YPEL2: variants seen among roughly 807,000 people sequenced by gnomAD.
YPEL2 encodes protein yippee-like 2.
Under a neutral mutation model 19.1 loss-of-function variants are expected in YPEL2, and 2 were observed. The ratio of observed to expected loss-of-function variants is 0.10; its 90% CI spans 0.04 to 0.33. The LOEUF (loss-of-function observed/expected upper bound fraction) is 0.33, where lower values mean the gene tolerates loss of function less well. YPEL2 is among the 10% of genes least tolerant of loss of function. YPEL2 has a pLI of 1.00. For synonymous variants in YPEL2, 52 were observed against 50.0 expected, an observed-to-expected ratio of 1.04 and a Z score of -0.17; for missense variants, 66 against 140.7, an observed-to-expected ratio of 0.47 and a Z score of 2.68.
rs749570016 is a variant in YPEL2 at position 59,353,429 on chromosome 17, C to T, written c.20C>T (p.Ser7Leu). 1 of 1,598,060 alleles carries T rather than the reference C, an allele frequency of 6.3e-7. No individual in the cohort carries two copies. The highest frequency in any genetic ancestry group is 1.1e-5 in the South Asian group (1 of 87,530). ...GCACCAATGGTGAAGATGACAAGAT[C>T]GAAGACTTTCCAGGCATATCTGCCC... The part of the protein sequence containing the change: MVKMTR[S>L]KTFQAYLPSC... The change falls in exon 2 of 5, where the codon TCG becomes TTG. Residue 7 changes from serine to leucine, a missense_variant. Ser to Leu is a moderately radical substitution (Grantham distance 145, BLOSUM62 -2). Transcript: ENST00000312655. This position sits in a 1 kb window ranked among gnomAD's most constrained non-coding sequence, Gnocchi z 4.8.
intron 2 of YPEL2, among the ~76,000 whole-genome samples, chr17:59,385,807 T>C (rs1024779420): frequency 1.3e-5 from 2 of 152,178 alleles, no homozygotes; most frequent in Non-Finnish European, 2.9e-5. Context: ...ATGTCACTTA[T>C]AGTTCAAAAA....
chr17:59,347,881 A>C (rs957610355), intron 1 of YPEL2, among the ~76,000 whole-genome samples: 23 of 152,206 alleles, frequency 1.5e-4, no homozygotes, highest in African/African-American at 5.1e-4. Context: ...AAGGACCCCA[A>C]ACTCCATGTC....
At chr17:59,379,818 T>C (rs2047939537) in intron 2 of YPEL2, among the ~76,000 whole-genome samples, 2 of 136,234 alleles carry the variant, frequency 1.5e-5, no homozygotes, top group Admixed American at 1.5e-4. Flanking sequence ...AAGTTTTTTT[T>C]GTTTCTGAGT....
chr17:59,373,641 CAA>C (rs1344296735), intron 2 of YPEL2, among the ~76,000 whole-genome samples: 1 of 152,194 alleles, frequency 6.6e-6, no homozygotes, highest in African/African-American at 2.4e-5. Flanking sequence ...CATGGAGACA[CAA>C]TATTTCTTCA....
At chr17:59,394,339 C>T (rs865884105) in intron 4 of YPEL2, among the ~76,000 whole-genome samples, 3 of 120,316 alleles carry the variant, frequency 2.5e-5, no homozygotes, top group South Asian at 2.9e-4. Context: ...CAGACGGGGT[C>T]GCGGCCGGGC....
chr17:59,369,148 GCAACTCCCTGTTGATGAGTTTTTCT>G (rs1421717133), intron 2 of YPEL2, among the ~76,000 whole-genome samples: 2 of 152,164 alleles, frequency 1.3e-5, no homozygotes, highest in Non-Finnish European at 2.9e-5. Context: ...GCGGGCAATT[GCAACTCCCTGTTGATGAGTTTTTCT>G]CTAAATTTAA....
In YPEL2 at chr17:59,353,108, G is replaced by A; in HGVS notation, c.-195-107G>A. ...CCAGGAACAGAGAAGTGGGTCATTTGATCCTGTCAGTGTTGCCTTCTTCAT... is the reference window on the plus strand; with the variant it reads ...CCAGGAACAGAGAAGTGGGTCATTTAATCCTGTCAGTGTTGCCTTCTTCAT... On this transcript the variant is annotated intron_variant, in intron 1 of 4. Coordinates refer to ENST00000312655, the MANE Select transcript of YPEL2 (RefSeq NM_001005404.4). This position sits in a 1 kb window ranked among gnomAD's most constrained non-coding sequence, Gnocchi z 4.8. 1 of 236,704 alleles carries A rather than the reference G, an allele frequency of 4.2e-6. No homozygotes were observed. The highest frequency in any genetic ancestry group is 8.2e-6 in the Non-Finnish European group (1 of 121,462). 14.7% of individuals were successfully genotyped at this position (236,704 alleles called of 1,614,324 possible).
rs186111786 is a variant in YPEL2, at chr17:59,399,483, C to G, written c.*2293C>G. 1 of 151,874 alleles carries G rather than the reference C, an allele frequency of 6.6e-6. No individual in the cohort carries two copies. The highest frequency in any genetic ancestry group is 1.5e-5 in the Non-Finnish European group (1 of 68,028). The allele number at this position is 151,874 out of a possible 1,614,324, so 9.4% of individuals were successfully genotyped here. On this transcript the variant is annotated 3_prime_UTR_variant, in exon 5 of 5. Coordinates refer to ENST00000312655, the MANE Select transcript of YPEL2 (RefSeq NM_001005404.4). ...TCTTCCTTGGGGATGAGGCCTTTGACTGTTGGATGGATCAGAGCAGGCTCC... is the reference window on the plus strand; with the variant it reads ...TCTTCCTTGGGGATGAGGCCTTTGAGTGTTGGATGGATCAGAGCAGGCTCC...
chr17:59,333,099 C>G (rs747501320), intron 1 of YPEL2, among the ~76,000 whole-genome samples: 1 of 152,246 alleles, frequency 6.6e-6, no homozygotes, highest in African/African-American at 2.4e-5. Flanking sequence ...TTATTGCTCC[C>G]CCGTGCTTTC....
intron 2 of YPEL2, among the ~76,000 whole-genome samples, chr17:59,386,059 A>G (rs1312166034): frequency 6.6e-6 from 1 of 152,194 alleles, no homozygotes; most frequent in Non-Finnish European, 1.5e-5. Flanking sequence ...GCGGTGGCTC[A>G]TGCCTGTAAT....
intron 4 of YPEL2, 47 bp from the exon 5 acceptor site, chr17:59,397,054 T>G: frequency 6.8e-7 from 1 of 1,474,336 alleles, no homozygotes; most frequent in Non-Finnish European, 9.2e-7. Flanking sequence ...AATCATTTTC[T>G]TGTCTTTGGT....
Position 59,388,302 on chromosome 17 carries a change from A to G in YPEL2, c.118-25A>G, listed in dbSNP as rs763341903. The G allele has an allele frequency of 9.3e-6, 15 of 1,613,710 alleles. No homozygotes were observed. The East Asian group carries it at 2.2e-4, about 24-fold the overall frequency. On this transcript the variant is annotated intron_variant, in intron 2 of 4. Transcript: ENST00000312655. ...AGATAGGTGAAATGGATGTCTAACT[A>G]TCGATTTGTTTTCTTGCATTTCAGT...
rs781319266 is a variant in YPEL2 at position 59,397,167 on chromosome 17, A to G, written c.337A>G (p.Ile113Val). The G allele has an allele frequency of 6.2e-7, 1 of 1,612,062 alleles. No individual in the cohort carries two copies. The highest frequency in any genetic ancestry group is 8.5e-7 in the Non-Finnish European group (1 of 1,179,110). ...GKYIIELAHM[I>V]KDNGWD is the part of the protein sequence containing the mutation. ...ATACATCATTGAACTAGCACACATG[A>G]TCAAGGACAATGGCTGGGACTGATT... The change falls in exon 5 of 5, where the codon ATC becomes GTC. Residue 113 changes from isoleucine (I) to valine (V), a missense_variant. Ile to Val is a conservative substitution (Grantham distance 29, BLOSUM62 3). Transcript: ENST00000312655.
rs1311826338 is a variant in YPEL2, at chr17:59,398,900, A to T, written c.*1710A>T. 1 of 152,150 alleles carries T rather than the reference A, an allele frequency of 6.6e-6. No homozygotes were observed. Among genetic ancestry groups the T allele is most frequent in the Admixed American group, 6.5e-5 (1 of 15,280 alleles). The allele number at this position is 152,150 out of a possible 1,614,324, so 9.4% of individuals were successfully genotyped here. A position where few individuals can be genotyped will look rare whatever the true frequency, so the allele number is the denominator to read the frequency against. On this transcript the variant is annotated 3_prime_UTR_variant, in exon 5 of 5. Transcript: ENST00000312655. Reference sequence around the variant, plus strand: ...TCAGAATAGCGTCTGCAGCAGAACCAGTTTCCATTCAGAGCGCGTCCTTGG... The same window carrying T: ...TCAGAATAGCGTCTGCAGCAGAACCTGTTTCCATTCAGAGCGCGTCCTTGG...
At chr17:59,349,768 C>A (rs999296730) in intron 1 of YPEL2, among the ~76,000 whole-genome samples, 1 of 152,216 alleles carries the variant, frequency 6.6e-6, no homozygotes, top group Non-Finnish European at 1.5e-5. Flanking sequence ...TCAGGCGATT[C>A]TCCTGCCTCA....
intron 1 of YPEL2, among the ~76,000 whole-genome samples, chr17:59,352,994 A>G (rs2047794919): frequency 2.0e-5 from 3 of 152,108 alleles, no homozygotes; most frequent in Admixed American, 2.0e-4. Flanking sequence ...AACTGCTGGG[A>G]TGATACTGAA....
intron 2 of YPEL2, among the ~76,000 whole-genome samples, chr17:59,373,272 A>G (rs1201709717): frequency 6.6e-6 from 1 of 152,178 alleles, no homozygotes. Flanking sequence ...GACTGTACTG[A>G]GGAGTCCTTA....
intron 4 of YPEL2, 65 bp downstream of exon 4, chr17:59,389,533 A>G: frequency 7.7e-7 from 1 of 1,298,918 alleles, no homozygotes; most frequent in Non-Finnish European, 1.1e-6. Context: ...TTATGCCAGA[A>G]CACTTTCTTC....
intron 2 of YPEL2, among the ~76,000 whole-genome samples, chr17:59,378,685 C>A (rs2047934372): frequency 6.6e-6 from 1 of 152,160 alleles, no homozygotes; most frequent in African/African-American, 2.4e-5. Context: ...GCCCCCTCAC[C>A]ACCTTTTGTT....
Sources: allele counts gnomAD v4.1 joint callset (sites outside exome capture counted in the v4.1 genomes callset), GRCh38; gene constraint gnomAD v4.1.1; non-coding constraint Gnocchi (gnomAD v3.1); transcripts MANE v1.5; gene names NCBI Gene and HGNC (gene_info 2026-07-23, HGNC 2026-07-21).